Variants in ACAD11 observed in about 807,000 individuals in gnomAD.
ACAD11 encodes acyl-CoA dehydrogenase family member 11, also known as acyl-Coenzyme A dehydrogenase family, member 11.
ACAD11 carries 83 observed loss-of-function variants against 102.2 expected under a neutral mutation model. That is an observed-to-expected ratio of 0.81 (90% CI 0.68 to 0.97). The LOEUF (loss-of-function observed/expected upper bound fraction) is 0.97, where lower values mean the gene tolerates loss of function less well. Ranked by LOEUF, ACAD11 falls within the 50% of genes least tolerant of loss-of-function variation. ACAD11 has a pLI of 0.00. For synonymous variants in ACAD11, 324 were observed against 319.8 expected (o/e 1.01, Z -0.14); for missense variants, 901 against 951.7 (o/e 0.95, Z 0.70).
At chr3:132,582,339 TA>T (rs34072025) in intron 13 of ACAD11, among the ~76,000 whole-genome samples, 145 of 145,084 alleles carry the variant, frequency 1.0e-3, no homozygotes, top group Middle Eastern at 3.5e-3. Context: ...CAGAAACTGT[TA>T]AAAAAAAAAA....
chr3:132,574,980 G>A (rs775736402), intron 17 of ACAD11, among the ~76,000 whole-genome samples: 12 of 152,088 alleles, frequency 7.9e-5, no homozygotes, highest in African/African-American at 1.4e-4. Context: ...GACTACAGGT[G>A]CACATCGCCA....
intron 17 of ACAD11, among the ~76,000 whole-genome samples, chr3:132,573,371 T>A (rs1413159305): frequency 6.6e-6 from 1 of 152,190 alleles, no homozygotes; most frequent in Non-Finnish European, 1.5e-5. Context: ...AGAATAAATA[T>A]TAAAATATAA....
At position 132,659,680 on chromosome 3, in the gene ACAD11, G is replaced by C; in HGVS notation, c.72C>G (p.Ser24=). 6.2e-7 allele frequency: 1 copy of C among 1,611,350 alleles called. No homozygotes were observed. Among genetic ancestry groups the C allele is most frequent in the Non-Finnish European group, 8.5e-7 (1 of 1,178,694 alleles). The part of the protein sequence containing the change: ...VLPQHKFDSK[S]LEAYLNQHLS... The stretch of plus-strand genomic sequence containing the variant: ...AGTGCTGGTTTAGGTAGGCCTCCAG[G>C]GACTTGCTGTCGAACTTGTGCTGGG... The change falls in exon 1 of 20, where the codon TCC becomes TCG. Residue 24 remains serine, a synonymous_variant. Transcript: ENST00000264990.
At chr3:132,649,172 G>A (rs62292460) in intron 1 of ACAD11, among the ~76,000 whole-genome samples, 14,023 of 152,218 alleles carry the variant, frequency 0.092, 809 homozygotes, top group Middle Eastern at 0.14. Flanking sequence ...ATATGGCCCC[G>A]TGAGATGGGA....
chr3:132,581,228 T>C (rs954227821), intron 13 of ACAD11, among the ~76,000 whole-genome samples: 1 of 152,024 alleles, frequency 6.6e-6, no homozygotes, highest in African/African-American at 2.4e-5. Flanking sequence ...TGAAAATGAA[T>C]AGTTCAACTT....
intron 1 of ACAD11, chr3:132,654,699 C>T (rs1937684763): frequency 6.6e-6 from 1 of 152,232 alleles, no homozygotes; most frequent in South Asian, 2.1e-4. Context: ...GAAAACCAAA[C>T]CTGGTTTTCT....
chr3:132,626,662 G>T (rs1189411072), intron 9 of ACAD11, 29 bp downstream of exon 9: 1 of 1,611,018 alleles, frequency 6.2e-7, no homozygotes, highest in South Asian at 1.1e-5. Flanking sequence ...TCCTTTAGCA[G>T]AAATACATTC....
intron 17 of ACAD11, among the ~76,000 whole-genome samples, chr3:132,562,704 G>A (rs140778039): frequency 2.7e-4 from 41 of 152,290 alleles, no homozygotes; most frequent in African/African-American, 8.7e-4. Flanking sequence ...TCAATGTACT[G>A]ATTTGCCATC....
intron 12 of ACAD11, 71 bp from the exon 13 acceptor site, chr3:132,603,398 A>C: frequency 2.2e-6 from 3 of 1,359,486 alleles, no homozygotes; most frequent in Non-Finnish European, 3.1e-6. Flanking sequence ...GGATATGAAA[A>C]CTTTAAAAAC....
At chr3:132,640,692 C>A (rs1287600736) in intron 4 of ACAD11, among the ~76,000 whole-genome samples, 2 of 152,104 alleles carry the variant, frequency 1.3e-5, no homozygotes, top group African/African-American at 2.4e-5. Context: ...TTGATGCAAG[C>A]CTCCCTTTCT....
At position 132,603,985 on chromosome 3, in the gene ACAD11, T is replaced by G. The variant is rs563144189; in HGVS notation, c.1523-658A>C. Among the ~76,000 whole-genome samples, 21 of 152,340 alleles carry G rather than the reference T, an allele frequency of 1.4e-4. No individual in the cohort carries two copies. In the South Asian group the frequency reaches 4.1e-3, roughly 30 times the overall value. ...TCTAAAACTTAAGACTTATTTTTTT[T>G]CTTTTTTAGAAAGAGGGCTGTGTAT... is the stretch of plus-strand genomic sequence containing the variant. On this transcript the variant is annotated intron_variant, in intron 12 of 19. Transcript: ENST00000264990.
chr3:132,614,104 T>C (rs1332118369), intron 11 of ACAD11, among the ~76,000 whole-genome samples: 4 of 149,544 alleles, frequency 2.7e-5, no homozygotes, highest in Non-Finnish European at 5.9e-5. Context: ...TACCTAAGAA[T>C]CCAACTTATA....
In ACAD11 at chr3:132,595,330, G is replaced by T. The variant is rs578015885; in HGVS notation, c.1621+7899C>A. On this transcript the variant is annotated intron_variant, in intron 13 of 19. Coordinates refer to ENST00000264990, the MANE Select transcript of ACAD11 (RefSeq NM_032169.5). Reference sequence around the variant, plus strand: ...GTATGGCAGAACAAGTAGGCAAAGGGGTGAGTAGTGTGAAATGAGGTCAGA... The same window carrying T: ...GTATGGCAGAACAAGTAGGCAAAGGTGTGAGTAGTGTGAAATGAGGTCAGA... Among the ~76,000 whole-genome samples the T allele has an allele frequency of 9.9e-5, 15 of 152,274 alleles. No individual in the cohort carries two copies. In the South Asian group the frequency reaches 2.9e-3, roughly 29 times the overall value.
intron 15 of ACAD11, 80 bp from the exon 16 acceptor site, chr3:132,577,095 A>G: frequency 1.2e-6 from 1 of 848,966 alleles, no homozygotes; most frequent in Non-Finnish European, 1.9e-6. Context: ...CTGAAATATA[A>G]TTACTTGAAG....
At chr3:132,569,156 A>C (rs1453591466) in intron 17 of ACAD11, among the ~76,000 whole-genome samples, 1 of 152,170 alleles carries the variant, frequency 6.6e-6, no homozygotes, top group African/African-American at 2.4e-5. Flanking sequence ...TCAAAGTAAA[A>C]AAAAAGTGAT....
chr3:132,625,532 T>C (rs1033101196), intron 9 of ACAD11, among the ~76,000 whole-genome samples: 1 of 152,148 alleles, frequency 6.6e-6, no homozygotes, highest in Non-Finnish European at 1.5e-5. Flanking sequence ...TCAGAAAATA[T>C]TCAAGATACT....
Position 132,641,849 on chromosome 3 carries a change from G to A in ACAD11, c.537+123C>T, listed in dbSNP as rs1940537727. On this transcript the variant is annotated intron_variant, in intron 4 of 19. Transcript: ENST00000264990. ...ATACTAAAAACTAGTCATTCTGAAG[G>A]ACAATGTTAAAAGTCATGGCCAAGC... 3 of 834,314 alleles carry A rather than the reference G, an allele frequency of 3.6e-6. No homozygotes were observed. In the Admixed American group the frequency reaches 7.8e-5, roughly 22 times the overall value. 51.7% of individuals were successfully genotyped at this position (834,314 alleles called of 1,614,324 possible).
At chr3:132,641,213 T>G (rs1422532985) in intron 4 of ACAD11, among the ~76,000 whole-genome samples, 1 of 152,118 alleles carries the variant, frequency 6.6e-6, no homozygotes, top group Non-Finnish European at 1.5e-5. Flanking sequence ...AAACACACAG[T>G]CAAGCTTAAT....
At chr3:132,610,087 G>A (rs72480817) in intron 11 of ACAD11, among the ~76,000 whole-genome samples, 1 of 152,022 alleles carries the variant, frequency 6.6e-6, no homozygotes, top group Non-Finnish European at 1.5e-5. Flanking sequence ...ACCCCTTCAT[G>A]CAAAAACTCA....
Sources: gnomAD v4.1 joint callset for allele counts (sites outside exome capture counted in the v4.1 genomes callset) on GRCh38, gnomAD v4.1.1 for gene constraint, MANE v1.5 for transcripts, NCBI Gene and HGNC (gene_info 2026-07-23, HGNC 2026-07-21) for gene names.